The following EXOC3L4 variants were observed in gnomAD, a reference collection of about 807,000 sequenced individuals.
EXOC3L4 encodes exocyst complex component 3-like protein 4.
A neutral mutation model predicts 69.7 loss-of-function variants in EXOC3L4; 62 were observed. The observed-to-expected ratio is 0.89, with a 90% confidence interval of 0.72 to 1.10. The LOEUF is 1.10. EXOC3L4 is among the 50% of genes least tolerant of loss of function. The probability of loss-of-function intolerance (pLI) is 0.00; values close to 1 mark genes in which losing one functional copy is unlikely to be tolerated. For synonymous variants in EXOC3L4, 502 were observed against 464.2 expected (o/e 1.08, Z -1.05); for missense variants, 1,087 against 1,034.8 (o/e 1.05, Z -0.69).
rs769229510 is a variant in EXOC3L4, at chr14:103,106,853, G to A, written c.1535G>A (p.Cys512Tyr). ...ELEKPLVTAT[C>Y]SFQKHLLQGL... ...GAGAAGCCCCTGGTGACGGCCACCT[G>A]CAGCTTCCAGAAGCACTTGCTTCAG... Residue 512 changes from cysteine to tyrosine, a missense_variant, in exon 8 of 12, where the codon TGC (cysteine) becomes TAC (tyrosine). Coordinates refer to ENST00000688303, the MANE Select transcript of EXOC3L4 (RefSeq NM_001077594.2). The A allele has an allele frequency of 1.9e-6, 3 of 1,592,162 alleles. No individual in the cohort carries two copies. Among genetic ancestry groups the A allele is most frequent in the Non-Finnish European group, 2.6e-6 (3 of 1,168,330 alleles).
chr14:103,105,103 G>A, intron 7 of EXOC3L4, 31 bp downstream of exon 7: 1 of 1,578,612 alleles, frequency 6.3e-7, no homozygotes. Flanking sequence ...TGCGGGCGCA[G>A]CGTGGCCAGC....
In EXOC3L4 at chr14:103,106,903, A is replaced by G; in HGVS notation, c.1581+4A>G. 3.2e-6 allele frequency: 5 copies of G among 1,555,568 alleles called. No individual in the cohort carries two copies. Among genetic ancestry groups the G allele is most frequent in the Non-Finnish European group, 4.4e-6 (5 of 1,148,076 alleles). ...GGGCTTGCAGCGTGAGTTGCAGGTG[A>G]CTGTGATAGGCCCTCTCTCCCTACT... On this transcript the variant is annotated splice_donor_region_variant and intron_variant, in intron 8 of 11. Transcript: ENST00000688303.
Position 103,102,503 on chromosome 14 carries a change from G to A in EXOC3L4, c.780G>A (p.Pro260=). 1 of 1,381,178 alleles carries A rather than the reference G, an allele frequency of 7.2e-7. No individual in the cohort carries two copies. Among genetic ancestry groups the A allele is most frequent in the Non-Finnish European group, 9.3e-7 (1 of 1,074,410 alleles). The allele number at this position is 1,381,178 out of a possible 1,614,324, so 85.6% of individuals were successfully genotyped here. The change falls in exon 3 of 12, where the codon CCG becomes CCA. Residue 260 remains proline (P), a synonymous_variant. Transcript: ENST00000688303. ...RRSAQERVRR[P]GAGWAFGEAE... ...GCGCTCAGGAGCGCGTGCGGCGGCCGGGCGCGGGGTGGGCCTTCGGGGAGG... is the reference window on the plus strand; with the variant it reads ...GCGCTCAGGAGCGCGTGCGGCGGCCAGGCGCGGGGTGGGCCTTCGGGGAGG...
In EXOC3L4 at chr14:103,107,729, C is replaced by T; in HGVS notation, c.1800C>T (p.Gly600=). 1 of 1,549,430 alleles carries T rather than the reference C, an allele frequency of 6.5e-7. No individual in the cohort carries two copies. The highest frequency in any genetic ancestry group is 8.7e-7 in the Non-Finnish European group (1 of 1,144,416). The change falls in exon 10 of 12, where the codon GGC becomes GGT. Residue 600 remains glycine, a synonymous_variant. Coordinates refer to ENST00000688303, the MANE Select transcript of EXOC3L4 (RefSeq NM_001077594.2). ...TCCGGGGCATGGAGCGCATGCATGG[C>T]TCCCAGAAGATGAGCCTGGATGCCC... ...ERFRGMERMH[G]SQKMSLDAQA...
At position 103,100,433 on chromosome 14, in the gene EXOC3L4, G is replaced by C. The variant is rs748399052; in HGVS notation, c.214G>C (p.Asp72His). The C allele has an allele frequency of 3.7e-6, 6 of 1,613,172 alleles. No homozygotes were observed. The highest frequency in any genetic ancestry group is 5.1e-6 in the Non-Finnish European group (6 of 1,179,872). The change falls in exon 2 of 12, where the codon GAT (aspartate) becomes CAT (histidine). Residue 72 changes from aspartate to histidine, a missense_variant. Transcript: ENST00000688303. ...GGCTTTGACCCAGGTCTCCAAGGAA[G>C]ATACGGGCCTGTTCCGGCGAAGCTC... ...QRALTQVSKE[D>H]TGLFRRSSCS...
intron 6 of EXOC3L4, 71 bp from the exon 7 acceptor site, chr14:103,104,921 T>C (rs1890448897): frequency 6.4e-7 from 1 of 1,572,584 alleles, no homozygotes; most frequent in Non-Finnish European, 8.7e-7. Context: ...AGGGACCTGA[T>C]TGGGAGGGTG....
rs781521115 is a variant in EXOC3L4, at chr14:103,100,557, G to A, written c.338G>A (p.Gly113Asp). 4.3e-6 allele frequency: 7 copies of A among 1,611,824 alleles called. No individual in the cohort carries two copies. In the South Asian group the frequency reaches 7.7e-5, roughly 18 times the overall value. The change falls in exon 2 of 12, where the codon GGT becomes GAT. Residue 113 changes from glycine (G) to aspartate (D), a missense_variant. Coordinates refer to ENST00000688303, the MANE Select transcript of EXOC3L4 (RefSeq NM_001077594.2). ...GAGGTGCCCTCGGGGGTCATGAATG[G>A]TGTCAGCCAGCAGGCATCCACTGGG... ...TPEVPSGVMN[G>D]VSQQASTGAA...
intron 3 of EXOC3L4, 142 bp from the exon 4 acceptor site, chr14:103,103,799 T>C (rs868521042): frequency 0.028 from 7,312 of 262,170 alleles, 51 homozygotes; most frequent in African/African-American, 0.036. Context: ...CGCGCGCGCG[T>C]GTGTGTGTGT....
chr14:103,102,257 C>G lies in EXOC3L4; in HGVS notation c.534C>G (p.Arg178=), dbSNP rs770456424. ...FEQDPTAFAR[R]AMDVCLLYDG... ...AGGACCCTACGGCCTTCGCGCGGCG[C>G]GCTATGGACGTGTGCCTGCTTTACG... The change falls in exon 3 of 12, where the codon CGC becomes CGG. Residue 178 remains arginine (R), a synonymous_variant. Transcript: ENST00000688303. 1 of 1,586,488 alleles carries G rather than the reference C, an allele frequency of 6.3e-7. No homozygotes were observed. The highest frequency in any genetic ancestry group is 1.1e-5 in the South Asian group (1 of 87,836).
intron 4 of EXOC3L4, 42 bp downstream of exon 4, chr14:103,104,094 G>A: frequency 6.7e-7 from 1 of 1,498,174 alleles, no homozygotes; most frequent in East Asian, 2.5e-5. Flanking sequence ...AGGCTGGAGG[G>A]GGCGGGCCCT....
rs945458674 is a variant in EXOC3L4 at position 103,101,639 on chromosome 14, G to A, written c.395-479G>A. 2.0e-5 allele frequency among the ~76,000 whole-genome samples: 3 copies of A among 152,220 alleles called. No individual in the cohort carries two copies. In the South Asian group the frequency reaches 6.2e-4, roughly 32 times the overall value. On this transcript the variant is annotated intron_variant, in intron 2 of 11. Transcript: ENST00000688303. ...GAGGGGAGGTCAGGGGGATTGCCCA[G>A]AGGAGGATACACTGGGGTGGGAAGA...
chr14:103,107,608 G>C lies in EXOC3L4; in HGVS notation c.1702-23G>C. 1.9e-6 allele frequency: 3 copies of C among 1,603,492 alleles called. No homozygotes were observed. In the South Asian group the frequency reaches 3.3e-5, roughly 18 times the overall value. ...GATTGGGGCTGTTGACCCTGACCCT[G>C]ACCCTGACCCTGGGCCGCCCAGGAG... is the stretch of plus-strand genomic sequence containing the variant. On this transcript the variant is annotated intron_variant, in intron 9 of 11. Transcript: ENST00000688303.
At chr14:103,103,797 C>CGCGCGTGTGT (rs763940116) in intron 3 of EXOC3L4, 144 bp from the exon 4 acceptor site, 207 of 433,708 alleles carry the variant, frequency 4.8e-4, no homozygotes, top group African/African-American at 3.0e-3. Context: ...GGCGCGCGCG[C>CGCGCGTGTGT]GTGTGTGTGT....
Position 103,102,627 on chromosome 14 carries a change from G to A in EXOC3L4, c.904G>A (p.Ala302Thr). 2.0e-6 allele frequency: 3 copies of A among 1,499,246 alleles called. No individual in the cohort carries two copies. The highest frequency in any genetic ancestry group is 1.8e-6 in the Non-Finnish European group (2 of 1,129,480). 92.9% of individuals were successfully genotyped at this position (1,499,246 alleles called of 1,614,324 possible). A position where few individuals can be genotyped will look rare whatever the true frequency, so the allele number is the denominator to read the frequency against. The change falls in exon 3 of 12, where the codon GCG (alanine) becomes ACG (threonine). Residue 302 changes from alanine to threonine, a missense_variant. Transcript: ENST00000688303. The stretch of plus-strand genomic sequence containing the variant: ...GCGGCAGGAGGTGCAGCCCGCGTAT[G>A]CGGCGGCCGGCTTCCCAGCGTGGGA... ...KVRQEVQPAY[A>T]AAGFPAWEVY... is the part of the protein sequence containing the mutation.
At chr14:103,108,932 T>C (rs1890740405) in intron 11 of EXOC3L4, among the ~76,000 whole-genome samples, 1 of 151,992 alleles carries the variant, frequency 6.6e-6, no homozygotes. Context: ...AGTCCATTCT[T>C]TTGGAGATTC....
rs1013662737 is a variant in EXOC3L4 at position 103,108,643 on chromosome 14, C to T, written c.1976+126C>T. The T allele has an allele frequency of 1.5e-5, 20 of 1,319,310 alleles. No homozygotes were observed. The African/African-American group carries it at 2.2e-4, about 15-fold the overall frequency. The allele number at this position is 1,319,310 out of a possible 1,614,324, so 81.7% of individuals were successfully genotyped here. On this transcript the variant is annotated intron_variant, in intron 11 of 11. Coordinates refer to ENST00000688303, the MANE Select transcript of EXOC3L4 (RefSeq NM_001077594.2). ...CTGAAGACCAGAGGCAGGAGGTAGG[C>T]CTTGGACCCTCAGACCCTCAAGGCT...
In EXOC3L4 at chr14:103,100,467, T is replaced by C. The variant is rs1266602751; in HGVS notation, c.248T>C (p.Leu83Pro). 1.2e-6 allele frequency: 2 copies of C among 1,613,452 alleles called. No homozygotes were observed. Among genetic ancestry groups the C allele is most frequent in the Admixed American group, 1.7e-5 (1 of 60,000 alleles). Residue 83 changes from leucine (L) to proline (P), a missense_variant, in exon 2 of 12, where the codon CTG becomes CCG. Physicochemically the swap from Leu to Pro is moderately conservative, Grantham distance 98. Transcript: ENST00000688303. Reference protein sequence around the residue: ...TGLFRRSSCSLFRSFRQALND... With the variant: ...TGLFRRSSCSPFRSFRQALND... ...CTGTTCCGGCGAAGCTCCTGCTCCCTGTTCCGGTCCTTCCGGCAAGCCCTG... is the reference window on the plus strand; with the variant it reads ...CTGTTCCGGCGAAGCTCCTGCTCCCCGTTCCGGTCCTTCCGGCAAGCCCTG...
chr14:103,109,134 C>T (rs1372115500), intron 11 of EXOC3L4, among the ~76,000 whole-genome samples: 1 of 148,108 alleles, frequency 6.8e-6, no homozygotes, highest in Non-Finnish European at 1.5e-5. Flanking sequence ...TCACCCGCAG[C>T]TGCATCACCC....
rs949561420 is a variant in EXOC3L4, at chr14:103,108,031, C to T, written c.1854+248C>T. ...AGGGGCGAGGGTCACAGCCCCATCT[C>T]ACGGTCAGGGCCTTTGGGAGGTGTC... On this transcript the variant is annotated intron_variant, in intron 10 of 11. Transcript: ENST00000688303. Among the ~76,000 whole-genome samples, 58 of 152,320 alleles carry T rather than the reference C, an allele frequency of 3.8e-4. 1 individual carries two copies. Among genetic ancestry groups the T allele is most frequent in the African/African-American group, 1.3e-3 (53 of 41,576 alleles).
Sources: allele counts gnomAD v4.1 joint callset (sites outside exome capture counted in the v4.1 genomes callset), GRCh38; gene constraint gnomAD v4.1.1; transcripts MANE v1.5; gene names NCBI Gene and HGNC (gene_info 2026-07-23, HGNC 2026-07-21).